The following SYK variants were observed in gnomAD, a reference collection of about 807,000 sequenced individuals.
SYK encodes the protein spleen associated tyrosine kinase.
Under a neutral mutation model 77.8 loss-of-function variants are expected in SYK, and 16 were observed. That is an observed-to-expected ratio of 0.21 (90% CI 0.14 to 0.31). The LOEUF (loss-of-function observed/expected upper bound fraction) is 0.31, where lower values mean the gene tolerates loss of function less well. SYK is among the 10% of genes least tolerant of loss of function. The pLI is 1.00. For missense variants in SYK, 529 were observed against 814.4 expected (o/e 0.65, Z 4.26); for synonymous variants, 312 against 308.7 (o/e 1.01, Z -0.11).
intron 3 of SYK, among the ~76,000 whole-genome samples, chr9:90,857,801 C>A (rs1238912400): frequency 6.6e-6 from 1 of 152,176 alleles, no homozygotes; most frequent in Non-Finnish European, 1.5e-5. Flanking sequence ...GCACAGGCCC[C>A]CTCTGTCCAT....
intron 11 of SYK, among the ~76,000 whole-genome samples, chr9:90,879,537 C>T (rs1828068886): frequency 3.3e-5 from 5 of 152,220 alleles, no homozygotes; most frequent in Admixed American, 3.3e-4. Context: ...TGAACACCTA[C>T]CTATACATGC....
rs148645838 is a variant in SYK at position 90,865,432 on chromosome 9, C to T, written c.846+335C>T. Among the ~76,000 whole-genome samples the T allele has an allele frequency of 1.1e-4, 17 of 152,076 alleles. No homozygotes were observed. In the East Asian group the frequency reaches 3.1e-3, roughly 28 times the overall value. On this transcript the variant is annotated intron_variant, in intron 6 of 13. Transcript: ENST00000375754. Reference sequence around the variant, plus strand: ...AAGCCATTCTCATGCCTCAGCCTCCCGAGTAGCTGGGATTACAGGTGCCTG... The same window carrying T: ...AAGCCATTCTCATGCCTCAGCCTCCTGAGTAGCTGGGATTACAGGTGCCTG...
At chr9:90,805,518 G>A (rs1377263005) in intron 1 of SYK, among the ~76,000 whole-genome samples, 2 of 152,218 alleles carry the variant, frequency 1.3e-5, no homozygotes, top group African/African-American at 4.8e-5. Flanking sequence ...TCAACAGAAG[G>A]AGGGCCCAGG....
At chr9:90,858,484 T>C (rs575359182) in intron 3 of SYK, among the ~76,000 whole-genome samples, 2 of 152,244 alleles carry the variant, frequency 1.3e-5, no homozygotes, top group Non-Finnish European at 2.9e-5. Flanking sequence ...CAGATGACCC[T>C]GAAGGCGGAA....
chr9:90,892,406 G>C (rs1587930520), intron 13 of SYK, among the ~76,000 whole-genome samples: 1 of 152,168 alleles, frequency 6.6e-6, no homozygotes. Flanking sequence ...TTTATGGCTT[G>C]CTGCAGGCAT....
At chr9:90,865,891 CT>C (rs10680406) in intron 6 of SYK, among the ~76,000 whole-genome samples, 362 of 61,190 alleles carry the variant, frequency 5.9e-3, no homozygotes, top group Non-Finnish European at 8.3e-3. Context: ...TACATATGGC[CT>C]TTTTTTTTTT....
At chr9:90,874,386 G>A (rs758039975) in intron 8 of SYK, 95 bp downstream of exon 8, 14 of 1,250,924 alleles carry the variant, frequency 1.1e-5, no homozygotes, top group African/African-American at 3.0e-5. Context: ...CACCACGTCC[G>A]TGATTGCAAT....
At position 90,862,317 on chromosome 9, in the gene SYK, G is replaced by A; in HGVS notation, c.690G>A (p.Glu230=). The A allele has an allele frequency of 6.2e-7, 1 of 1,614,094 alleles. No individual in the cohort carries two copies. The highest frequency in any genetic ancestry group is 8.5e-7 in the Non-Finnish European group (1 of 1,179,950). ...KDKTGKLSIP[E]GKKFDTLWQL... is the part of the protein sequence containing the mutation. Reference sequence around the variant, plus strand: ...AGACAGGGAAGCTCTCCATCCCCGAGGGAAAGAAGTTCGACACGCTCTGGC... The same window carrying A: ...AGACAGGGAAGCTCTCCATCCCCGAAGGAAAGAAGTTCGACACGCTCTGGC... Residue 230 remains glutamate (E), a synonymous_variant, in exon 4 of 14, where the codon GAG becomes GAA. Transcript: ENST00000375754.
intron 3 of SYK, among the ~76,000 whole-genome samples, chr9:90,850,782 A>AC (rs1372501400): frequency 6.6e-6 from 1 of 151,864 alleles, no homozygotes; most frequent in African/African-American, 2.4e-5. Context: ...AAAAAAAAAA[A>AC]AAAAGAATTC....
chr9:90,867,322 G>A, intron 7 of SYK, 123 bp downstream of exon 7: 1 of 1,002,276 alleles, frequency 1.0e-6, no homozygotes, highest in Non-Finnish European at 1.5e-6. Flanking sequence ...CTGCTTCCAG[G>A]CCTCTTTGCC....
chr9:90,845,395 C>T, intron 2 of SYK, 39 bp from the exon 3 acceptor site: 1 of 1,567,264 alleles, frequency 6.4e-7, no homozygotes, highest in Non-Finnish European at 8.6e-7. Flanking sequence ...TTCATTTTTC[C>T]TCGGTATGGT....
intron 11 of SYK, among the ~76,000 whole-genome samples, chr9:90,887,102 A>G (rs1828606210): frequency 1.3e-5 from 2 of 152,192 alleles, no homozygotes; most frequent in Admixed American, 6.5e-5. Context: ...AATGAAGAGG[A>G]TATTTCCTGT....
chr9:90,898,348 T>C lies in SYK; in HGVS notation c.*2748T>C. ...TGTAGCTGCTGTATGGTGATTGCACTTGGACATCAGTCCAATGACTGCAAG... is the reference window on the plus strand; with the variant it reads ...TGTAGCTGCTGTATGGTGATTGCACCTGGACATCAGTCCAATGACTGCAAG... On this transcript the variant is annotated 3_prime_UTR_variant, in exon 14 of 14. Coordinates refer to ENST00000375754, the MANE Select transcript of SYK (RefSeq NM_003177.7). 4.4e-6 allele frequency: 1 copy of C among 228,672 alleles called. No homozygotes were observed. The highest frequency in any genetic ancestry group is 8.7e-6 in the Non-Finnish European group (1 of 115,184). The allele number at this position is 228,672 out of a possible 1,614,324, so 14.2% of individuals were successfully genotyped here.
At chr9:90,855,697 T>TGAGAGA (rs373151521) in intron 3 of SYK, among the ~76,000 whole-genome samples, 1 of 150,090 alleles carries the variant, frequency 6.7e-6, no homozygotes, top group Non-Finnish European at 1.5e-5. Flanking sequence ...TGGGTGTGTG[T>TGAGAGA]GAGAGAGAGA....
chr9:90,850,704 GC>G (rs1335868953), intron 3 of SYK, among the ~76,000 whole-genome samples: 2 of 151,032 alleles, frequency 1.3e-5, no homozygotes, highest in Non-Finnish European at 2.9e-5. Flanking sequence ...CCATTCAGAT[GC>G]CAGCATTTCA....
intron 4 of SYK, 113 bp downstream of exon 4, chr9:90,862,457 G>T: frequency 7.6e-7 from 1 of 1,318,494 alleles, no homozygotes; most frequent in Non-Finnish European, 1.0e-6. Context: ...CCACAGTGTG[G>T]TCCCCAGGCC....
At chr9:90,868,371 C>G (rs569644495) in intron 7 of SYK, among the ~76,000 whole-genome samples, 1 of 152,166 alleles carries the variant, frequency 6.6e-6, no homozygotes, top group Admixed American at 6.5e-5. Flanking sequence ...AAGAAAATAT[C>G]AGTGACCACC....
intron 1 of SYK, among the ~76,000 whole-genome samples, chr9:90,816,139 G>A (rs1052818038): frequency 3.9e-5 from 6 of 152,174 alleles, no homozygotes; most frequent in African/African-American, 9.7e-5. Context: ...TCTGTTTAGC[G>A]ATCGTGAGAA....
At chr9:90,846,969 A>G (rs185089067) in intron 3 of SYK, among the ~76,000 whole-genome samples, 24 of 152,264 alleles carry the variant, frequency 1.6e-4, no homozygotes, top group Non-Finnish European at 2.9e-4. Context: ...CATAATCCAC[A>G]CGATGAGGCT....
Sources: gnomAD v4.1 joint callset for allele counts (sites outside exome capture counted in the v4.1 genomes callset) on GRCh38, gnomAD v4.1.1 for gene constraint, MANE v1.5 for transcripts, NCBI Gene and HGNC (gene_info 2026-07-23, HGNC 2026-07-21) for gene names.